ERC2: variants seen among roughly 807,000 people sequenced by gnomAD.
ERC2 encodes the protein ERC protein 2.
A neutral mutation model predicts 114.8 loss-of-function variants in ERC2; 42 were observed. The ratio of observed to expected loss-of-function variants is 0.37; its 90% CI spans 0.29 to 0.47. The LOEUF is 0.47. Among genes scored for constraint, ERC2 ranks in the 20% least tolerant of loss-of-function variants. ERC2 has a pLI of 0.99. For synonymous variants in ERC2, 454 were observed against 425.5 expected (o/e 1.07, Z -0.82); for missense variants, 939 against 1,150.7 (o/e 0.82, Z 2.66).
intron 14 of ERC2, among the ~76,000 whole-genome samples, chr3:55,870,777 G>A (rs1012597895): frequency 5.3e-5 from 8 of 152,200 alleles, no homozygotes; most frequent in African/African-American, 9.6e-5. Flanking sequence ...TTTCCATGAC[G>A]ACATTTAATT....
At chr3:56,151,364 G>A (rs2081403046) in intron 4 of ERC2, among the ~76,000 whole-genome samples, 1 of 152,096 alleles carries the variant, frequency 6.6e-6, no homozygotes, top group African/African-American at 2.4e-5. Flanking sequence ...ATTGTGCCCA[G>A]CCAATATTTC....
At chr3:55,530,863 C>T (rs2053621728) in intron 17 of ERC2, among the ~76,000 whole-genome samples, 1 of 152,130 alleles carries the variant, frequency 6.6e-6, no homozygotes, top group South Asian at 2.1e-4. Context: ...GGTGGGCATC[C>T]CCCCTCCACC....
intron 2 of ERC2, among the ~76,000 whole-genome samples, chr3:56,332,802 A>G (rs771074293): frequency 6.6e-6 from 1 of 152,196 alleles, no homozygotes; most frequent in Non-Finnish European, 1.5e-5. Flanking sequence ...AACAATGGAA[A>G]CTGTGTGTCC....
intron 14 of ERC2, among the ~76,000 whole-genome samples, chr3:55,762,255 G>A: frequency 6.6e-6 from 1 of 152,092 alleles, no homozygotes; most frequent in Non-Finnish European, 1.5e-5. Flanking sequence ...TTTAATGTAA[G>A]GATGGACTAT....
intron 2 of ERC2, among the ~76,000 whole-genome samples, chr3:56,348,868 AAAGGAAGG>A (rs559533182): frequency 0.012 from 1,404 of 113,968 alleles, 34 homozygotes; most frequent in African/African-American, 0.024. Context: ...AAAATGAAAG[AAAGGAAGG>A]AAGGAAGGAA....
Position 55,699,492 on chromosome 3 carries a change from CA to C in ERC2, c.2732del (p.Leu911Ter). The C allele has an allele frequency of 1.2e-6, 2 of 1,612,612 alleles. No individual in the cohort carries two copies. Among genetic ancestry groups the C allele is most frequent in the Non-Finnish European group, 1.7e-6 (2 of 1,179,036 alleles). On this transcript the variant is annotated frameshift_variant, in exon 16 of 18. Transcript: ENST00000288221. LOFTEE classifies it high-confidence loss of function. ...LKQQTQNRMK[L>X]MADNYDDDHH... ...GGTCATCATCATAGTTGTCTGCCAT[CA>C]ACTTCATTCTGTTCTGGGTCTGTGC... is the stretch of plus-strand genomic sequence containing the variant.
intron 14 of ERC2, among the ~76,000 whole-genome samples, chr3:55,829,094 G>C (rs538687978): frequency 6.6e-6 from 1 of 152,220 alleles, no homozygotes; most frequent in South Asian, 2.1e-4. Flanking sequence ...TTGTGTCACT[G>C]TACTCCAGCC....
At chr3:56,280,114 G>A (rs956793165) in intron 3 of ERC2, among the ~76,000 whole-genome samples, 15 of 152,150 alleles carry the variant, frequency 9.9e-5, no homozygotes, top group Admixed American at 3.9e-4. Flanking sequence ...TATGACCACA[G>A]AAGCAAGGGT....
At chr3:56,128,251 C>T (rs1190630805) in intron 6 of ERC2, among the ~76,000 whole-genome samples, 1 of 152,076 alleles carries the variant, frequency 6.6e-6, no homozygotes, top group Non-Finnish European at 1.5e-5. Flanking sequence ...ATGAATCAAT[C>T]CTACTGGAAA....
intron 1 of ERC2, among the ~76,000 whole-genome samples, chr3:56,460,999 C>CTT (rs11336881): frequency 1.1e-4 from 14 of 124,638 alleles, no homozygotes; most frequent in African/African-American, 4.1e-4. Flanking sequence ...GGCATAAAGG[C>CTT]TTTTTTTTTT....
chr3:55,756,581 A>G (rs146742610), intron 14 of ERC2, among the ~76,000 whole-genome samples: 183 of 152,342 alleles, frequency 1.2e-3, no homozygotes, highest in African/African-American at 4.4e-3. Flanking sequence ...ATGACATGTC[A>G]AAGGCTGTTT....
intron 3 of ERC2, among the ~76,000 whole-genome samples, chr3:56,188,058 G>A (rs142783471): frequency 6.6e-6 from 1 of 152,126 alleles, no homozygotes; most frequent in Non-Finnish European, 1.5e-5. Flanking sequence ...CTGATTAATA[G>A]GGTGACAGGG....
chr3:56,032,917 A>AGAGAGAGAGAC (rs1560056305), intron 7 of ERC2, among the ~76,000 whole-genome samples: 139 of 75,844 alleles, frequency 1.8e-3, no homozygotes, highest in Admixed American at 3.0e-3. Flanking sequence ...GAAAGAAAGA[A>AGAGAGAGAGAC]AGAAAGAAAG....
intron 2 of ERC2, among the ~76,000 whole-genome samples, chr3:56,394,697 T>C (rs754375784): frequency 3.0e-4 from 45 of 152,056 alleles, no homozygotes; most frequent in Non-Finnish European, 5.1e-4. Flanking sequence ...ACGGCTATAA[T>C]CAAAAAGTCA....
Position 55,989,460 on chromosome 3 carries a change from A to G in ERC2, c.2255+2597T>C, listed in dbSNP as rs553970575. On this transcript the variant is annotated intron_variant, in intron 11 of 17. Transcript: ENST00000288221. ...AAAATGCCATCTAAGCGTGAAGCAC[A>G]TCACTTTCTCTCCTGTATGCTAATA... 3.9e-5 allele frequency among the ~76,000 whole-genome samples: 6 copies of G among 152,348 alleles called. No individual in the cohort carries two copies. In the East Asian group the frequency reaches 9.6e-4, roughly 24 times the overall value.
intron 2 of ERC2, among the ~76,000 whole-genome samples, chr3:56,428,908 A>C (rs1284654370): frequency 2.0e-4 from 31 of 152,200 alleles, no homozygotes; most frequent in Admixed American, 2.0e-3. Flanking sequence ...GATCTAGTAC[A>C]ATCTCCGAGT....
intron 2 of ERC2, among the ~76,000 whole-genome samples, chr3:56,425,185 C>T (rs2107273095): frequency 6.6e-6 from 1 of 152,238 alleles, no homozygotes; most frequent in East Asian, 1.9e-4. Flanking sequence ...CCTCTTCTCA[C>T]ATAACTGCCC....
intron 3 of ERC2, among the ~76,000 whole-genome samples, chr3:56,216,986 G>A (rs1286317149): frequency 6.6e-6 from 1 of 152,122 alleles, no homozygotes; most frequent in Non-Finnish European, 1.5e-5. Context: ...TTGATGGGAC[G>A]TATCTCAAAA....
chr3:56,303,644 T>C (rs909121334), intron 2 of ERC2, among the ~76,000 whole-genome samples: 1 of 152,214 alleles, frequency 6.6e-6, no homozygotes, highest in Non-Finnish European at 1.5e-5. Context: ...GAGAGAGCAC[T>C]CTCTGGTCTC....
Sources: allele counts gnomAD v4.1 joint callset (sites outside exome capture counted in the v4.1 genomes callset), GRCh38; gene constraint gnomAD v4.1.1; transcripts MANE v1.5; gene names NCBI Gene and HGNC (gene_info 2026-07-23, HGNC 2026-07-21).